Variants in ARHGAP32 observed in about 807,000 individuals in gnomAD.
ARHGAP32 encodes the protein Rho GTPase activating protein 32, also known as rho GTPase-activating protein 32.
A neutral mutation model predicts 186.5 loss-of-function variants in ARHGAP32; 51 were observed. That is an observed-to-expected ratio of 0.27 (90% CI 0.22 to 0.35). The LOEUF is 0.35. ARHGAP32 is among the 10% of genes least tolerant of loss of function. The probability of loss-of-function intolerance (pLI) is 1.00; values close to 1 mark genes in which losing one functional copy is unlikely to be tolerated. For synonymous variants in ARHGAP32, 950 were observed against 964.3 expected, an observed-to-expected ratio of 0.99 and a Z score of 0.27; for missense variants, 2,186 against 2,623.5, an observed-to-expected ratio of 0.83 and a Z score of 3.64.
At chr11:129,275,306 A>T (rs898204239) in intron 1 of ARHGAP32, among the ~76,000 whole-genome samples, 32 of 152,208 alleles carry the variant, frequency 2.1e-4, no homozygotes, top group African/African-American at 7.5e-4. Context: ...GATTGTGTTA[A>T]GCCTTAATAT....
chr11:129,207,846 T>A (rs2135586597), intron 1 of ARHGAP32, among the ~76,000 whole-genome samples: 1 of 152,276 alleles, frequency 6.6e-6, no homozygotes, highest in African/African-American at 2.4e-5. Context: ...AATCTGTTCT[T>A]GCAACATATT....
intron 6 of ARHGAP32, among the ~76,000 whole-genome samples, chr11:129,071,556 T>C (rs1324997254): frequency 6.6e-6 from 1 of 152,000 alleles, no homozygotes; most frequent in Non-Finnish European, 1.5e-5. Context: ...AGGCAAAAGA[T>C]GGTGTCGGCA....
chr11:129,196,716 T>C (rs1944396269), upstream of ARHGAP32, among the ~76,000 whole-genome samples: 1 of 152,116 alleles, frequency 6.6e-6, no homozygotes, highest in Admixed American at 6.6e-5. Context: ...AACTGAGACT[T>C]AGCATCATAA....
At position 129,267,710 on chromosome 11, in the gene ARHGAP32, C is replaced by G. The variant is rs192628177; in HGVS notation, c.-5+11436G>C. On this transcript the variant is annotated intron_variant, in intron 1 of 6. Transcript: ENST00000525234. ...CTCGTCTTAGTCCGTTTAGTACTGC[C>G]ATAAAGGAACACCTGAAATTGGGTA... Among the ~76,000 whole-genome samples, 1,219 of 152,282 alleles carry G rather than the reference C, an allele frequency of 8.0e-3. 8 individuals are homozygous for G. The highest frequency in any genetic ancestry group is 0.03 in the South Asian group (145 of 4,826).
Position 128,973,370 on chromosome 11 carries a change from G to C in ARHGAP32, c.3136C>G (p.Pro1046Ala). Residue 1046 changes from proline (P) to alanine (A), a missense_variant, in exon 22 of 23, where the codon CCA becomes GCA. This residue lies in a region of ARHGAP32 where 1,502 missense variants were observed against 1,570.0 expected (regional missense o/e 0.96). Transcript: ENST00000682385. ...VPVSSVSLIPPPPPPKNVARM... is the reference protein window; with the variant it reads ...VPVSSVSLIPAPPPPKNVARM... Reference sequence around the variant, plus strand: ...GCAACATTTTTCGGAGGCGGTGGTGGTGGGATAAGAGAGACTGAACTGACA... The same window carrying C: ...GCAACATTTTTCGGAGGCGGTGGTGCTGGGATAAGAGAGACTGAACTGACA... The C allele has an allele frequency of 6.2e-7, 1 of 1,614,144 alleles. No individual in the cohort carries two copies. Among genetic ancestry groups the C allele is most frequent in the Non-Finnish European group, 8.5e-7 (1 of 1,180,024 alleles).
chr11:129,142,041 T>C (rs1591646994), intron 2 of ARHGAP32, among the ~76,000 whole-genome samples: 1 of 148,612 alleles, frequency 6.7e-6, no homozygotes, highest in Middle Eastern at 3.6e-3. Flanking sequence ...AGAACAAGAA[T>C]AAAAATGCTT....
rs1256684602 is a variant in ARHGAP32, at chr11:128,998,390, T to A, written c.1124A>T (p.Gln375Leu). ...CACCCTCTCTTTCAAGATTCCCCGCTGCTTCAGCTTCTGTTTTGTTGGACG... is the reference window on the plus strand; with the variant it reads ...CACCCTCTCTTTCAAGATTCCCCGCAGCTTCAGCTTCTGTTTTGTTGGACG... ...KSRPTKQKLK[Q>L]RGILKERVFG... Residue 375 changes from glutamine (Q) to leucine (L), a missense_variant, in exon 12 of 23, where the codon CAG (glutamine) becomes CTG (leucine). Gln to Leu is a moderately radical substitution (Grantham distance 113, BLOSUM62 -2). Around this residue, in one of 5 missense-constraint regions of ARHGAP32, gnomAD observed 308 missense variants for 596.5 expected, o/e 0.52. Coordinates refer to ENST00000682385, the MANE Select transcript of ARHGAP32 (RefSeq NM_001378024.1). The A allele has an allele frequency of 6.2e-7, 1 of 1,601,874 alleles. No individual in the cohort carries two copies. The highest frequency in any genetic ancestry group is 8.5e-7 in the Non-Finnish European group (1 of 1,173,532).
intron 10 of ARHGAP32, among the ~76,000 whole-genome samples, 171 bp downstream of exon 10, chr11:129,062,109 T>G (rs1940524720): frequency 6.6e-6 from 1 of 152,220 alleles, no homozygotes; most frequent in Non-Finnish European, 1.5e-5. Flanking sequence ...ACCAAAATAG[T>G]AATTAGAAAA....
At chr11:129,000,188 C>A (rs1309505254) in intron 11 of ARHGAP32, among the ~76,000 whole-genome samples, 1 of 152,100 alleles carries the variant, frequency 6.6e-6, no homozygotes, top group Non-Finnish European at 1.5e-5. Flanking sequence ...CTAAGTACAT[C>A]ATCTTAAATC....
chr11:129,169,919 C>T (rs948308732), intron 1 of ARHGAP32, among the ~76,000 whole-genome samples: 3 of 151,944 alleles, frequency 2.0e-5, no homozygotes, highest in African/African-American at 7.2e-5. Flanking sequence ...AGGAACACTT[C>T]CCAATCCATC....
At chr11:129,228,688 C>T (rs1944817096) in intron 1 of ARHGAP32, among the ~76,000 whole-genome samples, 1 of 151,988 alleles carries the variant, frequency 6.6e-6, no homozygotes, top group Admixed American at 6.6e-5. Context: ...AGAGAAACAT[C>T]ACACACTGGG....
At chr11:129,173,996 A>G (rs1184090097) in intron 1 of ARHGAP32, among the ~76,000 whole-genome samples, 2 of 152,252 alleles carry the variant, frequency 1.3e-5, no homozygotes, top group African/African-American at 4.8e-5. Flanking sequence ...GCGACGCAGA[A>G]GACGGGTGAT....
intron 2 of ARHGAP32, among the ~76,000 whole-genome samples, chr11:129,127,214 C>T (rs1942682921): frequency 6.6e-6 from 1 of 152,200 alleles, no homozygotes; most frequent in Non-Finnish European, 1.5e-5. Flanking sequence ...CCACACACCT[C>T]TGCAACCACA....
intron 1 of ARHGAP32, among the ~76,000 whole-genome samples, chr11:129,271,710 T>A (rs570774417): frequency 1.3e-5 from 2 of 152,018 alleles, no homozygotes; most frequent in Non-Finnish European, 2.9e-5. Context: ...AAAGTAGAGA[T>A]AAACTGGCAA....
At chr11:129,113,287 T>C (rs767312880) in intron 5 of ARHGAP32, among the ~76,000 whole-genome samples, 4 of 152,166 alleles carry the variant, frequency 2.6e-5, no homozygotes, top group East Asian at 1.9e-4. Flanking sequence ...CTTGTAACAC[T>C]TGAATTCACA....
At chr11:129,092,718 G>A (rs979217645) in intron 6 of ARHGAP32, among the ~76,000 whole-genome samples, 2 of 151,848 alleles carry the variant, frequency 1.3e-5, no homozygotes, top group African/African-American at 2.4e-5. Flanking sequence ...AAAAACTTCA[G>A]TATATCACAC....
At chr11:128,995,789 C>A (rs780126654) in intron 12 of ARHGAP32, among the ~76,000 whole-genome samples, 23 of 152,146 alleles carry the variant, frequency 1.5e-4, no homozygotes, top group Non-Finnish European at 3.2e-4. Flanking sequence ...CAGTGAGCTG[C>A]GATTGGGCCA....
intron 1 of ARHGAP32, among the ~76,000 whole-genome samples, chr11:129,229,422 A>G (rs1944829236): frequency 1.3e-5 from 2 of 152,106 alleles, no homozygotes; most frequent in African/African-American, 4.8e-5. Context: ...TAATTAGTGA[A>G]CCTTTGAAAA....
chr11:129,186,210 G>T (rs1349254314), intron 1 of ARHGAP32, among the ~76,000 whole-genome samples: 1 of 152,092 alleles, frequency 6.6e-6, no homozygotes, highest in Non-Finnish European at 1.5e-5. Flanking sequence ...TAATAACCAG[G>T]AACTTTTATA....
Sources: allele counts gnomAD v4.1 joint callset (sites outside exome capture counted in the v4.1 genomes callset), GRCh38; gene constraint gnomAD v4.1.1; regional missense constraint gnomAD v4.1.1; transcripts MANE v1.5; gene names NCBI Gene and HGNC (gene_info 2026-07-23, HGNC 2026-07-21).